Variants in PC observed in about 807,000 individuals in gnomAD.
PC encodes pyruvate carboxylase, mitochondrial.
A neutral mutation model predicts 107.8 loss-of-function variants in PC; 46 were observed. That is an observed-to-expected ratio of 0.43 (90% CI 0.34 to 0.55). The LOEUF is 0.55. PC is among the 20% of genes least tolerant of loss of function. The pLI, the probability that PC is intolerant of heterozygous loss-of-function variation, is 0.04. For missense variants in PC, 1,241 were observed against 1,643.1 expected (o/e 0.76, Z 4.23); for synonymous variants, 662 against 684.7 (o/e 0.97, Z 0.52).
At chr11:66,897,647 C>T (rs1407796667) in intron 3 of PC, among the ~76,000 whole-genome samples, 2 of 152,150 alleles carry the variant, frequency 1.3e-5, no homozygotes, top group Non-Finnish European at 2.9e-5. Context: ...CACTTCATTG[C>T]CCCCTCCCTG....
chr11:66,870,749 C>T lies in PC; in HGVS notation c.751+26G>A. 3 of 1,593,276 alleles carry T rather than the reference C, an allele frequency of 1.9e-6. No homozygotes were observed. The highest frequency in any genetic ancestry group is 2.2e-5 in the South Asian group (2 of 90,762). On this transcript the variant is annotated intron_variant, in intron 8 of 22. Coordinates refer to ENST00000393960, the MANE Select transcript of PC (RefSeq NM_001040716.2). The surrounding 1 kb of genome is among the most constrained non-coding windows in gnomAD (Gnocchi z 6.1). ...CTCTCAGCTCCCGCCTCCAGCTGCC[C>T]CAGGCGGGGCGTCAGGACCACTCAC...
At chr11:66,916,686 G>A (rs1948470466) in intron 3 of PC, among the ~76,000 whole-genome samples, 1 of 152,162 alleles carries the variant, frequency 6.6e-6, no homozygotes, top group African/African-American at 2.4e-5. Flanking sequence ...CGGGTGTGGT[G>A]GCTCATGCCT....
At position 66,858,889 on chromosome 11, in the gene PC, G is replaced by C. The variant is rs779202810; in HGVS notation, c.1368+4885C>G. On this transcript the variant is annotated intron_variant, in intron 12 of 22. Coordinates refer to ENST00000393960, the MANE Select transcript of PC (RefSeq NM_001040716.2). The surrounding 1 kb of genome is among the most constrained non-coding windows in gnomAD (Gnocchi z 5.9). ...GGTGGGAACAGCAGTGCCGAGGGGG[G>C]CCGCCCCGGGCCCTCGGACATCGCC... The C allele has an allele frequency of 8.4e-4, 1,302 of 1,553,052 alleles. 2 individuals are homozygous for C. The highest frequency in any genetic ancestry group is 2.0e-3 in the Admixed American group (103 of 52,096).
Position 66,849,979 on chromosome 11 carries a change from G to A in PC, c.2856C>T (p.Ile952=), listed in dbSNP as rs183661331. Residue 952 remains isoleucine, a synonymous_variant, in exon 20 of 23, where the codon ATC becomes ATT. Coordinates refer to ENST00000393960, the MANE Select transcript of PC (RefSeq NM_001040716.2). ...CGGGGAACCCCCCATGGGGGACACC[G>A]ATGTAGCCCTGCAGGAACTCCACCA... ...RSVVEFLQGY[I]GVPHGGFPEP... The A allele has an allele frequency of 3.1e-4, 493 of 1,613,630 alleles. 2 individuals carry two copies. Among genetic ancestry groups the A allele is most frequent in the East Asian group, 1.6e-3 (71 of 44,880 alleles).
At chr11:66,944,945 A>G (rs1428031240) in intron 3 of PC, among the ~76,000 whole-genome samples, 1 of 117,876 alleles carries the variant, frequency 8.5e-6, no homozygotes, top group African/African-American at 3.0e-5. Flanking sequence ...TTCTGCATCT[A>G]GTTATCATCC....
intron 3 of PC, among the ~76,000 whole-genome samples, chr11:66,915,496 G>A (rs1404756184): frequency 1.3e-5 from 2 of 152,240 alleles, no homozygotes; most frequent in Non-Finnish European, 2.9e-5. Flanking sequence ...ACACAGTCCT[G>A]CTCGGTAAAC....
At chr11:66,864,315 C>T (rs1284300373) in intron 11 of PC, among the ~76,000 whole-genome samples, 2 of 152,264 alleles carry the variant, frequency 1.3e-5, no homozygotes, top group Non-Finnish European at 2.9e-5. Context: ...ACCCTCTAGC[C>T]TTTCAGACTC....
chr11:66,860,150 G>C, intron 12 of PC: 1 of 1,549,062 alleles, frequency 6.5e-7, no homozygotes, highest in Non-Finnish European at 8.7e-7. Context: ...CAGGGTGCCG[G>C]GGGGTAGGAG....
Position 66,850,738 on chromosome 11 carries a change from C to T in PC, c.2409G>A (p.Gly803=), listed in dbSNP as rs778275619. 10 of 1,611,456 alleles carry T rather than the reference C, an allele frequency of 6.2e-6. No homozygotes were observed. Among genetic ancestry groups the T allele is most frequent in the Non-Finnish European group, 8.5e-6 (10 of 1,179,938 alleles). ...VVDVAADSMS[G]MTSQPSMGAL... ...CCCCCATGCTGGGCTGTGAAGTCATCCCAGACATGGAATCAGCTGCCACAT... is the reference window on the plus strand; with the variant it reads ...CCCCCATGCTGGGCTGTGAAGTCATTCCAGACATGGAATCAGCTGCCACAT... Residue 803 remains glycine, a synonymous_variant, in exon 18 of 23, where the codon GGG becomes GGA. Transcript: ENST00000393960.
At chr11:66,888,450 C>A (rs1947451772) in intron 3 of PC, among the ~76,000 whole-genome samples, 1 of 152,136 alleles carries the variant, frequency 6.6e-6, no homozygotes, top group African/African-American at 2.4e-5. Context: ...ACTAAATAAA[C>A]CAAGAATAAG....
chr11:66,928,895 C>T (rs1189941764), intron 3 of PC, among the ~76,000 whole-genome samples: 1 of 152,084 alleles, frequency 6.6e-6, no homozygotes, highest in Non-Finnish European at 1.5e-5. Flanking sequence ...GGGAAAGAAA[C>T]ACTACATGAA....
intron 3 of PC, among the ~76,000 whole-genome samples, chr11:66,936,973 G>T (rs957938341): frequency 6.6e-6 from 1 of 152,044 alleles, no homozygotes; most frequent in Non-Finnish European, 1.5e-5. Context: ...CCCCTAAGTA[G>T]CTGGGACTAC....
At chr11:66,942,809 T>C (rs577201421) in intron 3 of PC, among the ~76,000 whole-genome samples, 1 of 151,834 alleles carries the variant, frequency 6.6e-6, no homozygotes, top group Admixed American at 6.6e-5. Context: ...AGTCGGGAGT[T>C]TGAGATCATC....
At chr11:66,865,561 G>C (rs1327962934) in intron 11 of PC, among the ~76,000 whole-genome samples, 1 of 152,200 alleles carries the variant, frequency 6.6e-6, no homozygotes, top group Non-Finnish European at 1.5e-5. Context: ...GGTACAGGGA[G>C]CCCTCCTGGA....
At chr11:66,883,703 G>A (rs896291784) in intron 3 of PC, among the ~76,000 whole-genome samples, 17 of 152,180 alleles carry the variant, frequency 1.1e-4, no homozygotes, top group Admixed American at 2.6e-4. Flanking sequence ...TGTACAGTGC[G>A]TAAGACCAGA....
In PC at chr11:66,870,754, C is replaced by CG; in HGVS notation, c.751+20dup. The stretch of plus-strand genomic sequence containing the variant: ...AGCTCCCGCCTCCAGCTGCCCCAGG[C>CG]GGGGCGTCAGGACCACTCACCCAAG... On this transcript the variant is annotated intron_variant, in intron 8 of 22. Transcript: ENST00000393960. The surrounding 1 kb of genome is among the most constrained non-coding windows in gnomAD (Gnocchi z 6.1). 1 of 1,595,190 alleles carries CG rather than the reference C, an allele frequency of 6.3e-7. No individual in the cohort carries two copies. Among genetic ancestry groups the CG allele is most frequent in the Non-Finnish European group, 8.6e-7 (1 of 1,166,630 alleles).
chr11:66,932,379 T>A (rs1417153176), intron 3 of PC, among the ~76,000 whole-genome samples: 3 of 152,152 alleles, frequency 2.0e-5, no homozygotes, highest in Non-Finnish European at 2.9e-5. Context: ...AGACCTGTTT[T>A]CAGCATGGAA....
At chr11:66,935,436 C>A (rs1463456698) in intron 3 of PC, among the ~76,000 whole-genome samples, 4 of 152,136 alleles carry the variant, frequency 2.6e-5, no homozygotes, top group African/African-American at 4.8e-5. Context: ...GGAGAAGAGC[C>A]CTGCCTTAGA....
chr11:66,947,774 C>A (rs1396067736), intron 3 of PC, among the ~76,000 whole-genome samples: 1 of 150,538 alleles, frequency 6.6e-6, no homozygotes, highest in Non-Finnish European at 1.5e-5. Flanking sequence ...ACCAGCCTGG[C>A]CAACATGGTG....
Sources: gnomAD v4.1 joint callset for allele counts (sites outside exome capture counted in the v4.1 genomes callset) on GRCh38, gnomAD v4.1.1 for gene constraint, Gnocchi (gnomAD v3.1) non-coding constraint, MANE v1.5 for transcripts, NCBI Gene and HGNC (gene_info 2026-07-23, HGNC 2026-07-21) for gene names.